Variants in ZNF804B observed in about 807,000 individuals in gnomAD.
ZNF804B encodes the protein zinc finger protein 804B, also known as zinc finger 804B.
ZNF804B carries 80 observed loss-of-function variants against 101.4 expected under a neutral mutation model. That is an observed-to-expected ratio of 0.79 (90% CI 0.66 to 0.95). The LOEUF is 0.95. Among genes scored for constraint, ZNF804B ranks in the 40% least tolerant of loss-of-function variants. ZNF804B has a pLI of 0.00. For missense variants in ZNF804B, 1,673 were observed against 1,561.9 expected (o/e 1.07, Z -1.20); for synonymous variants, 622 against 558.8 (o/e 1.11, Z -1.59).
At chr7:88,775,888 T>C (rs945238613) in intron 1 of ZNF804B, among the ~76,000 whole-genome samples, 2 of 152,188 alleles carry the variant, frequency 1.3e-5, no homozygotes, top group Non-Finnish European at 2.9e-5. Context: ...TTTATATATG[T>C]AAGTTGCCTT....
chr7:88,843,938 T>C (rs1420793825), intron 1 of ZNF804B, among the ~76,000 whole-genome samples: 1 of 152,062 alleles, frequency 6.6e-6, no homozygotes, highest in African/African-American at 2.4e-5. Context: ...CTTCTAATTG[T>C]TTATAAAGAT....
intron 1 of ZNF804B, among the ~76,000 whole-genome samples, chr7:88,862,288 C>A (rs17164839): frequency 0.022 from 3,405 of 152,254 alleles, 141 homozygotes; most frequent in African/African-American, 0.077. Context: ...GGCACCATGT[C>A]TGACACTGGG....
chr7:88,897,202 A>C (rs1792304468), intron 1 of ZNF804B, among the ~76,000 whole-genome samples: 1 of 152,230 alleles, frequency 6.6e-6, no homozygotes, highest in Admixed American at 6.5e-5. Flanking sequence ...TAAGGATCTT[A>C]AAATGGGGAG....
intron 1 of ZNF804B, among the ~76,000 whole-genome samples, chr7:88,831,514 TTTGG>T (rs1318886659): frequency 2.2e-5 from 1 of 46,136 alleles, no homozygotes; most frequent in African/African-American, 1.3e-4. Context: ...AATCAAATTG[TTTGG>T]TCAAGGACTG....
At chr7:88,878,984 G>C (rs183184738) in intron 1 of ZNF804B, among the ~76,000 whole-genome samples, 1 of 152,030 alleles carries the variant, frequency 6.6e-6, no homozygotes, top group Admixed American at 6.6e-5. Flanking sequence ...GTACATCAGC[G>C]TCACAGACCA....
At chr7:89,224,712 ATGTGTGTGTGTGTG>A (rs56064065) in intron 2 of ZNF804B, among the ~76,000 whole-genome samples, 22 of 144,166 alleles carry the variant, frequency 1.5e-4, no homozygotes, top group South Asian at 2.2e-4. Flanking sequence ...CTGGCAAAGT[ATGTGTGTGTGTGTG>A]TGTGTGTGTG....
At chr7:88,960,935 A>C (rs1472208188) in intron 1 of ZNF804B, among the ~76,000 whole-genome samples, 1 of 151,342 alleles carries the variant, frequency 6.6e-6, no homozygotes, top group Admixed American at 6.6e-5. Context: ...TTTCCTTCTG[A>C]ATCCACCAAT....
At chr7:89,070,386 A>G (rs1789517060) in intron 1 of ZNF804B, among the ~76,000 whole-genome samples, 1 of 152,140 alleles carries the variant, frequency 6.6e-6, no homozygotes, top group African/African-American at 2.4e-5. Context: ...GATCCAGGCT[A>G]GACCTGGAGG....
rs1043700072 is a variant in ZNF804B, at chr7:88,873,964, G to A, written c.108+113880G>A. On this transcript the variant is annotated intron_variant, in intron 1 of 3. Coordinates refer to ENST00000333190, the MANE Select transcript of ZNF804B (RefSeq NM_181646.5). ...ACTTGGCAATGCGGGCTCTTTTTTG[G>A]TTCCATATGAACTTTAAAGTAGTTT... 3.3e-5 allele frequency among the ~76,000 whole-genome samples: 5 copies of A among 152,066 alleles called. No individual in the cohort carries two copies. In the South Asian group the frequency reaches 6.2e-4, roughly 19 times the overall value.
intron 1 of ZNF804B, among the ~76,000 whole-genome samples, chr7:89,013,293 T>C (rs938364906): frequency 2.7e-5 from 4 of 150,892 alleles, no homozygotes; most frequent in African/African-American, 9.7e-5. Flanking sequence ...AGAAGAAACA[T>C]ATGAGAATTA....
intron 1 of ZNF804B, among the ~76,000 whole-genome samples, chr7:88,908,395 AG>A (rs1180512391): frequency 6.6e-6 from 1 of 151,754 alleles, no homozygotes; most frequent in Non-Finnish European, 1.5e-5. Context: ...AATTTGAAAA[AG>A]TAACACATAT....
chr7:88,906,969 C>G lies in ZNF804B; in HGVS notation c.108+146885C>G, dbSNP rs149201811. 3.3e-5 allele frequency among the ~76,000 whole-genome samples: 5 copies of G among 151,720 alleles called. 1 individual carries two copies. Among genetic ancestry groups the G allele is most frequent in the African/African-American group, 1.2e-4 (5 of 41,406 alleles). ...ATTAATTCTTCTTGTTGAATTGTAC[C>G]CTTTGTCATTATATAATGGCTTTCT... is the stretch of plus-strand genomic sequence containing the variant. On this transcript the variant is annotated intron_variant, in intron 1 of 3. Transcript: ENST00000333190.
chr7:88,762,043 A>C (rs1789905715), intron 1 of ZNF804B, among the ~76,000 whole-genome samples: 2 of 151,884 alleles, frequency 1.3e-5, no homozygotes, highest in Non-Finnish European at 2.9e-5. Context: ...ATTTTTATTC[A>C]CTGCTGGGCT....
rs1240013447 is a variant in ZNF804B at position 89,333,737 on chromosome 7, C to T, written c.755C>T (p.Pro252Leu). Residue 252 changes from proline (P) to leucine (L), a missense_variant, in exon 4 of 4, where the codon CCC becomes CTC. Physicochemically the swap from Pro to Leu is moderately conservative, Grantham distance 98 (BLOSUM62 -3). Coordinates refer to ENST00000333190, the MANE Select transcript of ZNF804B (RefSeq NM_181646.5). ...TEETHDCNKS[P>L]IYKTKQTADK... Reference sequence around the variant, plus strand: ...GAAACCCATGATTGTAACAAGTCACCCATTTATAAAACAAAACAAACTGCA... The same window carrying T: ...GAAACCCATGATTGTAACAAGTCACTCATTTATAAAACAAAACAAACTGCA... 2 of 1,613,496 alleles carry T rather than the reference C, an allele frequency of 1.2e-6. No individual in the cohort carries two copies. Among genetic ancestry groups the T allele is most frequent in the East Asian group, 4.5e-5 (2 of 44,844 alleles).
chr7:89,276,438 T>C (rs192200568), intron 2 of ZNF804B, among the ~76,000 whole-genome samples: 2 of 152,056 alleles, frequency 1.3e-5, no homozygotes, highest in East Asian at 1.9e-4. Context: ...TCTCAGAGAC[T>C]ATACTTTGTT....
chr7:89,264,192 G>A (rs914420279), intron 2 of ZNF804B, among the ~76,000 whole-genome samples: 40 of 152,190 alleles, frequency 2.6e-4, no homozygotes, highest in Admixed American at 1.3e-3. Flanking sequence ...ACCAACAAAC[G>A]TCTTTGTAAT....
At chr7:88,913,529 G>A (rs1043668677) in intron 1 of ZNF804B, among the ~76,000 whole-genome samples, 1 of 152,110 alleles carries the variant, frequency 6.6e-6, no homozygotes, top group African/African-American at 2.4e-5. Context: ...GGAGGAGCTG[G>A]GATTACAGGT....
chr7:88,886,656 C>T (rs983716238), intron 1 of ZNF804B, among the ~76,000 whole-genome samples: 11 of 151,326 alleles, frequency 7.3e-5, no homozygotes, highest in South Asian at 4.2e-4. Context: ...TTTAAACAGA[C>T]GCATATAAGA....
Position 89,164,398 on chromosome 7 carries a change from G to GT in ZNF804B, c.109-53756dup, listed in dbSNP as rs1283774085. 7.9e-5 allele frequency among the ~76,000 whole-genome samples: 12 copies of GT among 152,020 alleles called. No homozygotes were observed. In the East Asian group the frequency reaches 2.3e-3, roughly 29 times the overall value. On this transcript the variant is annotated intron_variant, in intron 1 of 3. Transcript: ENST00000333190. ...ACTATCGTGGAAAACTGGGGGGAAA[G>GT]TCAGTAAATAAACTTAGGTGGATTG...
Sources: gnomAD v4.1 joint callset for allele counts (sites outside exome capture counted in the v4.1 genomes callset) on GRCh38, gnomAD v4.1.1 for gene constraint, MANE v1.5 for transcripts, NCBI Gene and HGNC (gene_info 2026-07-23, HGNC 2026-07-21) for gene names.